ARLN: variants seen among roughly 807,000 people sequenced by gnomAD.
ARLN encodes the protein sarcoplasmic/endoplasmic reticulum calcium ATPase regulator ARLN.
the ARLN span, chr4:119,300,935 G>T: frequency 2.3e-6 from 2 of 857,694 alleles, no homozygotes; most frequent in Non-Finnish European, 3.4e-6. Flanking sequence ...CCCGTATTCC[G>T]TTTGGATCCT....
the ARLN span, chr4:119,300,437 C>T: frequency 6.2e-7 from 1 of 1,614,132 alleles, no homozygotes; most frequent in Non-Finnish European, 8.5e-7. Flanking sequence ...TTGCCCCAGA[C>T]TGAGGCCTCA....
At chr4:119,300,682 C>T in the ARLN span, 1 of 1,538,266 alleles carries the variant, frequency 6.5e-7, no homozygotes, top group Non-Finnish European at 8.7e-7. Context: ...TCTGAACCTA[C>T]TCTTCCCAGC....
chr4:119,300,700 C>T, the ARLN span: 12 of 1,529,810 alleles, frequency 7.8e-6, no homozygotes, highest in Non-Finnish European at 1.1e-5. Flanking sequence ...AGCGCGCAGG[C>T]GCCTGGCTCG....
At chr4:119,302,251 C>T in the ARLN span, among the ~76,000 whole-genome samples, 1 of 152,162 alleles carries the variant, frequency 6.6e-6, no homozygotes. Context: ...GTCACATGCT[C>T]ATCATGAGGG....
At chr4:119,300,920 C>T in the ARLN span, 33 of 970,588 alleles carry the variant, frequency 3.4e-5, no homozygotes, top group Non-Finnish European at 4.7e-5. Flanking sequence ...GTCACCTCTC[C>T]TATCCCCGTA....
chr4:119,299,698 A>G, the ARLN span, among the ~76,000 whole-genome samples: 111 of 152,178 alleles, frequency 7.3e-4, 1 homozygote, highest in Admixed American at 3.3e-4. Flanking sequence ...TTGGTGTTTT[A>G]GGATATGTGG....
the ARLN span, among the ~76,000 whole-genome samples, chr4:119,303,641 C>G: frequency 7.2e-5 from 11 of 152,182 alleles, no homozygotes; most frequent in Admixed American, 1.3e-4. Context: ...CCCAGCACTT[C>G]GGGAGGCCAA....
At chr4:119,300,942 T>C in the ARLN span, 3 of 798,932 alleles carry the variant, frequency 3.8e-6, no homozygotes, top group Non-Finnish European at 5.7e-6. Flanking sequence ...TCCGTTTGGA[T>C]CCTTATGCCA....
At chr4:119,301,011 A>G in the ARLN span, 2 of 458,762 alleles carry the variant, frequency 4.4e-6, no homozygotes, top group Non-Finnish European at 7.7e-6. Context: ...TTGACACTTA[A>G]TATTTAAACA....
the ARLN span, chr4:119,300,730 A>T: frequency 6.6e-7 from 1 of 1,517,534 alleles, no homozygotes; most frequent in Non-Finnish European, 8.8e-7. Context: ...TGCCTCCGTG[A>T]CCGCTGGCAT....
the ARLN span, chr4:119,296,747 C>G: frequency 6.6e-6 from 1 of 152,176 alleles, no homozygotes; most frequent in Non-Finnish European, 1.5e-5. Flanking sequence ...ATTCAGTCTA[C>G]TGATTCAAAT....
chr4:119,297,627 G>T, the ARLN span: 1 of 151,450 alleles, frequency 6.6e-6, no homozygotes, highest in African/African-American at 2.4e-5. Flanking sequence ...GTATTTTTTT[G>T]TATTTTTTAA....
the ARLN span, chr4:119,298,575 A>C: frequency 2.2e-6 from 1 of 459,186 alleles, no homozygotes. Flanking sequence ...GTTTAATTTT[A>C]AGAACTTAGC....
the ARLN span, among the ~76,000 whole-genome samples, chr4:119,300,045 C>T: frequency 6.6e-6 from 1 of 152,008 alleles, no homozygotes; most frequent in Non-Finnish European, 1.5e-5. Context: ...AATAACTTCT[C>T]CGGTCGCTTC....
chr4:119,300,294 C>G, the ARLN span: 1 of 1,519,764 alleles, frequency 6.6e-7, no homozygotes, highest in Non-Finnish European at 9.0e-7. Flanking sequence ...CAAATGATCT[C>G]TAAGCTCCTT....
At chr4:119,301,999 T>C in the ARLN span, among the ~76,000 whole-genome samples, 2 of 152,194 alleles carry the variant, frequency 1.3e-5, no homozygotes, top group Non-Finnish European at 2.9e-5. Flanking sequence ...GATTGTCTGA[T>C]GGTAGTAGAC....
the ARLN span, chr4:119,297,334 A>C: frequency 6.6e-6 from 1 of 152,270 alleles, no homozygotes; most frequent in East Asian, 1.9e-4. Flanking sequence ...TGCCCTGTTT[A>C]AAAGGCGGGG....
chr4:119,304,377 G>A, the ARLN span: 19 of 1,536,608 alleles, frequency 1.2e-5, no homozygotes, highest in Middle Eastern at 3.3e-4. Flanking sequence ...CCTTCCTTTG[G>A]CACCTATTAT....
At chr4:119,296,456 G>A in the ARLN span, 1 of 152,294 alleles carries the variant, frequency 6.6e-6, no homozygotes, top group East Asian at 1.9e-4. Flanking sequence ...ATTGGCTCTT[G>A]TGATTATGGA....
Sources: gnomAD v4.1 joint callset for allele counts (sites outside exome capture counted in the v4.1 genomes callset) on GRCh38, gnomAD v4.1.1 for gene constraint, MANE v1.5 for transcripts, NCBI Gene and HGNC (gene_info 2026-07-23, HGNC 2026-07-21) for gene names.